The following KIAA0753 variants were observed in gnomAD, a reference collection of about 807,000 sequenced individuals.
The protein encoded by KIAA0753 is protein moonraker.
A neutral mutation model predicts 116.9 loss-of-function variants in KIAA0753; 114 were observed. That is an observed-to-expected ratio of 0.98 (90% CI 0.84 to 1.14). The LOEUF is 1.14. KIAA0753 is among the 50% of genes most tolerant of loss of function. The pLI, the probability that KIAA0753 is intolerant of heterozygous loss-of-function variation, is 0.00. For missense variants in KIAA0753, 1,156 were observed against 1,172.4 expected, an observed-to-expected ratio of 0.99 and a Z score of 0.20; for synonymous variants, 405 against 413.1, an observed-to-expected ratio of 0.98 and a Z score of 0.24.
chr17:6,603,812 A>G (rs1011626222), intron 12 of KIAA0753, among the ~76,000 whole-genome samples: 2 of 152,254 alleles, frequency 1.3e-5, no homozygotes, highest in Non-Finnish European at 2.9e-5. Flanking sequence ...AGAAAGGGGC[A>G]GCCGAGAAAG....
At chr17:6,620,737 G>C (rs1971258950) in intron 7 of KIAA0753, 51 bp downstream of exon 7, 1 of 1,567,714 alleles carries the variant, frequency 6.4e-7, no homozygotes, top group Non-Finnish European at 8.8e-7. Context: ...TTATAGCCCA[G>C]ATAATTGTAA....
At chr17:6,627,141 T>C (rs1971721478) in intron 3 of KIAA0753, among the ~76,000 whole-genome samples, 1 of 152,250 alleles carries the variant, frequency 6.6e-6, no homozygotes, top group Admixed American at 6.5e-5. Flanking sequence ...TGTTTTTTTC[T>C]GTCTTAGACT....
At chr17:6,617,419 AAT>A (rs1420997802) in intron 7 of KIAA0753, among the ~76,000 whole-genome samples, 1 of 152,210 alleles carries the variant, frequency 6.6e-6, no homozygotes, top group East Asian at 1.9e-4. Flanking sequence ...TCTAACAGTA[AAT>A]GAATAAATTA....
intron 15 of KIAA0753, 66 bp from the exon 16 acceptor site, chr17:6,595,119 G>A: frequency 8.8e-7 from 1 of 1,131,382 alleles, no homozygotes; most frequent in Non-Finnish European, 1.3e-6. Context: ...ACCAGAACTG[G>A]TAAAGATGTA....
chr17:6,601,696 T>C lies in KIAA0753; in HGVS notation c.2010-1238A>G, dbSNP rs181583890. ...GACACAAGAATAAATGGTAAAACTA[T>C]AAAATACTTAAAGGAAAACATAAGA... On this transcript the variant is annotated intron_variant, in intron 12 of 18. Coordinates refer to ENST00000361413, the MANE Select transcript of KIAA0753 (RefSeq NM_014804.3). 1.4e-4 allele frequency among the ~76,000 whole-genome samples: 22 copies of C among 152,250 alleles called. No homozygotes were observed. In the East Asian group the frequency reaches 3.9e-3, roughly 27 times the overall value.
chr17:6,605,057 G>A (rs1026189214), intron 12 of KIAA0753, among the ~76,000 whole-genome samples: 1 of 148,416 alleles, frequency 6.7e-6, no homozygotes, highest in Non-Finnish European at 1.5e-5. Context: ...AGACCAGCCT[G>A]GGCAACATAG....
Position 6,611,957 on chromosome 17 carries a change from ACG to A in KIAA0753, c.1505_1506del (p.Pro502LeufsTer2). 6.2e-7 allele frequency: 1 copy of A among 1,614,042 alleles called. No individual in the cohort carries two copies. Among genetic ancestry groups the A allele is most frequent in the Non-Finnish European group, 8.5e-7 (1 of 1,180,004 alleles). ...GGCGCCAGAGTATCTTTCTTCCTAA[ACG>A]GCACATTCTCAGTCACAGGCTTCTT... is the stretch of plus-strand genomic sequence containing the variant. Reference protein sequence around the residue: ...GKKKPVTENVPFRKKDTLAPA... With the variant: ...GKKKPVTENVXFRKKDTLAPA... On this transcript the variant is annotated frameshift_variant, in exon 8 of 19. Transcript: ENST00000361413. LOFTEE classifies it high-confidence loss of function.
chr17:6,638,176 T>A (rs1972453219), intron 1 of KIAA0753: 2 of 149,116 alleles, frequency 1.3e-5, no homozygotes, highest in African/African-American at 5.0e-5. Flanking sequence ...CACGGATTCC[T>A]CCCCGCCTGA....
At chr17:6,603,224 C>G (rs961390955) in intron 12 of KIAA0753, among the ~76,000 whole-genome samples, 1 of 151,566 alleles carries the variant, frequency 6.6e-6, no homozygotes, top group Non-Finnish European at 1.5e-5. Context: ...AGTCCAACAT[C>G]AAAGAACAGG....
chr17:6,623,640 A>G, intron 4 of KIAA0753, 69 bp from the exon 5 acceptor site: 1 of 1,552,628 alleles, frequency 6.4e-7, no homozygotes, highest in Non-Finnish European at 8.7e-7. Context: ...AAAAGGATGC[A>G]TCGATATATC....
rs1372733787 is a variant in KIAA0753 at position 6,593,414 on chromosome 17, TCC to T, written c.2440+1556_2440+1557del. On this transcript the variant is annotated intron_variant, in intron 16 of 18. Transcript: ENST00000361413. ...CGGGAGCAGTGGTTCACGCCTGTAA[TCC>T]CAGCACTTCGGGAGGCCGGGCGCAA... 2.6e-5 allele frequency among the ~76,000 whole-genome samples: 4 copies of T among 151,100 alleles called. No individual in the cohort carries two copies. The East Asian group carries it at 7.8e-4, about 29-fold the overall frequency.
chr17:6,625,283 T>C (rs78650646), intron 3 of KIAA0753, among the ~76,000 whole-genome samples: 3,141 of 152,344 alleles, frequency 0.021, 104 homozygotes, highest in African/African-American at 0.07. Flanking sequence ...TAAATGCCTA[T>C]TGATCAGCCA....
At chr17:6,636,760 C>T (rs1264509542) in intron 1 of KIAA0753, 1 of 152,422 alleles carries the variant, frequency 6.6e-6, no homozygotes, top group Non-Finnish European at 1.5e-5. Context: ...CACACAGCCC[C>T]AACTTCTTCC....
intron 16 of KIAA0753, among the ~76,000 whole-genome samples, chr17:6,594,545 T>C (rs73342620): frequency 0.023 from 3,568 of 152,296 alleles, 154 homozygotes; most frequent in African/African-American, 0.081. Flanking sequence ...GTTGCCTACG[T>C]GGCGGGGCAT....
At chr17:6,635,349 C>A (rs1972257309) in intron 1 of KIAA0753, 178 bp from the exon 2 acceptor site, 7 of 315,444 alleles carry the variant, frequency 2.2e-5, no homozygotes, top group Non-Finnish European at 2.8e-5. Context: ...AAAGCAACCA[C>A]ACTTTGGAAG....
chr17:6,609,710 AGAGACAAGT>A (rs1970408430), intron 9 of KIAA0753, among the ~76,000 whole-genome samples: 1 of 152,248 alleles, frequency 6.6e-6, no homozygotes, highest in Admixed American at 6.5e-5. Flanking sequence ...TATTGGCAGA[AGAGACAAGT>A]GAAGGGAAGC....
In KIAA0753 at chr17:6,595,070, A is replaced by G. The variant is rs1969368498; in HGVS notation, c.2359-17T>C. 6.4e-7 allele frequency: 1 copy of G among 1,555,080 alleles called. No homozygotes were observed. ...CTGGTATTTCTTTAAAAAAAAAGAAAAAAGTTTAATTTATGAGAAAAAATG... is the reference window on the plus strand; with the variant it reads ...CTGGTATTTCTTTAAAAAAAAAGAAGAAAGTTTAATTTATGAGAAAAAATG... On this transcript the variant is annotated splice_polypyrimidine_tract_variant and intron_variant, in intron 15 of 18. Transcript: ENST00000361413.
intron 18 of KIAA0753, among the ~76,000 whole-genome samples, chr17:6,582,518 C>T (rs1260301303): frequency 6.6e-6 from 1 of 152,170 alleles, no homozygotes; most frequent in Admixed American, 6.5e-5. Context: ...TTCCTTCTAC[C>T]CCATTCCCAC....
chr17:6,597,979 A>G (rs1969595162), intron 14 of KIAA0753, among the ~76,000 whole-genome samples: 1 of 152,250 alleles, frequency 6.6e-6, no homozygotes, highest in Non-Finnish European at 1.5e-5. Context: ...TCTGCAGTGA[A>G]GCTGCTATTT....
Sources: allele counts gnomAD v4.1 joint callset (sites outside exome capture counted in the v4.1 genomes callset), GRCh38; gene constraint gnomAD v4.1.1; transcripts MANE v1.5; gene names NCBI Gene and HGNC (gene_info 2026-07-23, HGNC 2026-07-21).